The following PER3 variants were observed in gnomAD, a reference collection of about 807,000 sequenced individuals.
PER3 encodes the protein period circadian regulator 3.
PER3 carries 107 observed loss-of-function variants against 127.2 expected under a neutral mutation model. That is an observed-to-expected ratio of 0.84 (90% confidence interval 0.72 to 0.99). The LOEUF is 0.99. PER3 is among the 50% of genes least tolerant of loss of function. The probability of loss-of-function intolerance (pLI) is 0.00; values close to 1 mark genes in which losing one functional copy is unlikely to be tolerated. For synonymous variants in PER3, 618 were observed against 585.8 expected, an observed-to-expected ratio of 1.05 and a Z score of -0.79; for missense variants, 1,560 against 1,525.8, an observed-to-expected ratio of 1.02 and a Z score of -0.37.
intron 10 of PER3, among the ~76,000 whole-genome samples, chr1:7,806,812 A>AAAAAATATATATAT (rs61141023): frequency 6.6e-5 from 4 of 60,632 alleles, no homozygotes; most frequent in African/African-American, 2.7e-4. Context: ...AAAAAAAAAA[A>AAAAAATATATATAT]ATATATATAT....
intron 5 of PER3, 89 bp from the exon 6 acceptor site, chr1:7,793,866 AAT>A (rs1413982934): frequency 3.7e-6 from 4 of 1,081,964 alleles, no homozygotes; most frequent in South Asian, 1.3e-5. Context: ...TCTTTTAAAA[AAT>A]AGTTTGTTGT....
intron 5 of PER3, among the ~76,000 whole-genome samples, chr1:7,793,351 A>G (rs538380307): frequency 6.6e-6 from 1 of 152,252 alleles, no homozygotes; most frequent in Admixed American, 6.5e-5. Context: ...AATCAATGGA[A>G]TTGCTAGCAA....
At chr1:7,787,554 G>A (rs697685) in intron 4 of PER3, 124,833 of 369,688 alleles carry the variant, frequency 0.34, 22,765 homozygotes, top group African/African-American at 0.54. Flanking sequence ...TAAAGCTAGA[G>A]AGGAAAGTAT....
In PER3 at chr1:7,806,804, A is replaced by ATAT. The variant is rs1329301349; in HGVS notation, c.1137-2089_1137-2088insTAT. On this transcript the variant is annotated intron_variant, in intron 10 of 21. Coordinates refer to ENST00000377532, the MANE Select transcript of PER3 (RefSeq NM_001377275.1). ...GCAAGACCCTGTCTCTTAAAAAAAA[A>ATAT]AAAAAAAAATATATATATATATATA... 4.3e-3 allele frequency among the ~76,000 whole-genome samples: 261 copies of ATAT among 60,586 alleles called. 2 individuals carry two copies. Among genetic ancestry groups the ATAT allele is most frequent in the African/African-American group, 0.015 (242 of 16,238 alleles). The allele number at this position is 60,586 out of a possible 152,430, so 39.7% of individuals were successfully genotyped here. A position where few individuals can be genotyped will look rare whatever the true frequency, so the allele number is the denominator to read the frequency against.
rs1558447151 is a variant in PER3, at chr1:7,820,628, C to T, written c.1945C>T (p.Pro649Ser). 1.9e-6 allele frequency: 3 copies of T among 1,609,780 alleles called. No individual in the cohort carries two copies. The highest frequency in any genetic ancestry group is 1.3e-5 in the African/African-American group (1 of 74,750). ...CAGCAGCACCATTGTCCATGTCCCACCCCCAGAGACAGGTACCACACTCGC... is the reference window on the plus strand; with the variant it reads ...CAGCAGCACCATTGTCCATGTCCCATCCCCAGAGACAGGTACCACACTCGC... ...GYSSTIVHVPPPETARDATLF... is the reference protein window; with the variant it reads ...GYSSTIVHVPSPETARDATLF... The change falls in exon 16 of 22, where the codon CCC (proline) becomes TCC (serine). Residue 649 changes from proline (P) to serine (S), a missense_variant. Physicochemically the swap from Pro to Ser is moderately conservative, Grantham distance 74. This residue lies in a region of PER3 where 1,332 missense variants were observed against 1,223.6 expected (regional missense o/e 1.09). Transcript: ENST00000377532.
chr1:7,801,283 A>G, intron 8 of PER3, 92 bp downstream of exon 8: 1 of 753,844 alleles, frequency 1.3e-6, no homozygotes. Context: ...TTTATACATT[A>G]TGTAATTGAA....
chr1:7,798,551 AGT>A lies in PER3; in HGVS notation c.674_675del (p.Cys225SerfsTer32). On this transcript the variant is annotated frameshift_variant, in exon 7 of 22. Transcript: ENST00000377532. LOFTEE classifies it high-confidence loss of function. ...GGAGGTGAAGACAGAAAGCAAGAGAAGTGTCACTCCCCATTCCGGATCATCCC... is the reference window on the plus strand; with the variant it reads ...GGAGGTGAAGACAGAAAGCAAGAGAAGTCACTCCCCATTCCGGATCATCCC... The A allele has an allele frequency of 6.2e-7, 1 of 1,613,788 alleles. No individual in the cohort carries two copies. The highest frequency in any genetic ancestry group is 8.5e-7 in the Non-Finnish European group (1 of 1,179,682).
chr1:7,835,393 A>T (rs531688071), intron 19 of PER3, among the ~76,000 whole-genome samples: 3 of 152,342 alleles, frequency 2.0e-5, no homozygotes, highest in Non-Finnish European at 4.4e-5. Context: ...TTACTGAATG[A>T]TGAACTGAGG....
intron 19 of PER3, among the ~76,000 whole-genome samples, chr1:7,831,521 A>G (rs554621267): frequency 3.3e-5 from 5 of 152,210 alleles, no homozygotes; most frequent in Non-Finnish European, 1.5e-5. Context: ...TGCCTGGTTC[A>G]CAGTCTTAAG....
At chr1:7,838,501 C>T (rs563862639) in intron 21 of PER3, among the ~76,000 whole-genome samples, 259 of 152,196 alleles carry the variant, frequency 1.7e-3, no homozygotes, top group African/African-American at 5.8e-3. Flanking sequence ...CTCTGCCTCC[C>T]AGGTTCAAGT....
At chr1:7,827,837 C>T (rs781582432) in intron 18 of PER3, 22 bp downstream of exon 18, 5 of 1,544,432 alleles carry the variant, frequency 3.2e-6, no homozygotes, top group South Asian at 2.3e-5. Context: ...TCATTTTCAA[C>T]ACTCAAGTGA....
chr1:7,836,920 G>A, intron 20 of PER3, 79 bp from the exon 21 acceptor site: 1 of 1,085,164 alleles, frequency 9.2e-7, no homozygotes, highest in Non-Finnish European at 1.4e-6. Flanking sequence ...CAACCAAGAA[G>A]AAGTGCTATT....
rs34144861 is a variant in PER3, at chr1:7,815,991, C to CAAAAAAAAAAAAAAAAAAAAA, written c.1523-3288_1523-3268dup. Among the ~76,000 whole-genome samples, 7 of 67,662 alleles carry CAAAAAAAAAAAAAAAAAAAAA rather than the reference C, an allele frequency of 1.0e-4. 1 individual carries two copies. Among genetic ancestry groups the CAAAAAAAAAAAAAAAAAAAAA allele is most frequent in the East Asian group, 7.7e-4 (1 of 1,292 alleles). The allele number at this position is 67,662 out of a possible 152,430, so 44.4% of individuals were successfully genotyped here. The stretch of plus-strand genomic sequence containing the variant: ...CTGGGCGACAGAGCGGACTCCGTCT[C>CAAAAAAAAAAAAAAAAAAAAA]AAAAAAAAAAAAAAAAAAAAAAAAA... On this transcript the variant is annotated intron_variant, in intron 13 of 21. Coordinates refer to ENST00000377532, the MANE Select transcript of PER3 (RefSeq NM_001377275.1).
chr1:7,824,788 T>TG (rs2097293649), intron 16 of PER3, among the ~76,000 whole-genome samples: 1 of 152,218 alleles, frequency 6.6e-6, no homozygotes, highest in African/African-American at 2.4e-5. Context: ...GTGCTCCTTG[T>TG]GATGCCTCAG....
At chr1:7,821,675 T>C (rs565442131) in intron 16 of PER3, among the ~76,000 whole-genome samples, 21 of 152,342 alleles carry the variant, frequency 1.4e-4, no homozygotes, top group African/African-American at 4.8e-4. Flanking sequence ...TATGACCGTT[T>C]TTAATGAATT....
intron 6 of PER3, among the ~76,000 whole-genome samples, chr1:7,794,384 T>G (rs1385195983): frequency 1.3e-5 from 2 of 152,086 alleles, no homozygotes; most frequent in African/African-American, 4.8e-5. Flanking sequence ...TCCCAGCTAC[T>G]CGGGAGGCTG....
rs1430283919 is a variant in PER3 at position 7,799,456 on chromosome 1, T to C, written c.793+783T>C. Among the ~76,000 whole-genome samples, 8 of 151,776 alleles carry C rather than the reference T, an allele frequency of 5.3e-5. No homozygotes were observed. In the South Asian group the frequency reaches 1.7e-3, roughly 32 times the overall value. On this transcript the variant is annotated intron_variant, in intron 7 of 21. Coordinates refer to ENST00000377532, the MANE Select transcript of PER3 (RefSeq NM_001377275.1). The stretch of plus-strand genomic sequence containing the variant: ...CGTCTCTACTAAAAATTACAAAAAT[T>C]AGCTGGGTGTGGTGGCGTGTGCCTG...
Position 7,827,851 on chromosome 1 carries a change from A to G in PER3, c.2886+36A>G, listed in dbSNP as rs148939047. 489 of 1,504,872 alleles carry G rather than the reference A, an allele frequency of 3.2e-4. 2 individuals carry two copies. In the South Asian group the frequency reaches 3.5e-3, roughly 11 times the overall value. 93.2% of individuals were successfully genotyped at this position (1,504,872 alleles called of 1,614,324 possible). On this transcript the variant is annotated intron_variant, in intron 18 of 21. Transcript: ENST00000377532. ...CTCATTTTCAACACTCAAGTGAGAA[A>G]GTGAATATCTTACTAAAGTTAAGGT...
At position 7,788,361 on chromosome 1, in the gene PER3, C is replaced by G. The variant is rs990015405; in HGVS notation, c.592+115C>G. On this transcript the variant is annotated intron_variant, in intron 5 of 21. Coordinates refer to ENST00000377532, the MANE Select transcript of PER3 (RefSeq NM_001377275.1). ...AGAACATGCACACTATCTGGTTTTTCTTATTCCTGTTATAGAAAGTCACGT... is the reference window on the plus strand; with the variant it reads ...AGAACATGCACACTATCTGGTTTTTGTTATTCCTGTTATAGAAAGTCACGT... 10 of 732,928 alleles carry G rather than the reference C, an allele frequency of 1.4e-5. No homozygotes were observed. The African/African-American group carries it at 1.4e-4, about 10-fold the overall frequency. 45.4% of individuals were successfully genotyped at this position (732,928 alleles called of 1,614,324 possible).
Sources: allele counts gnomAD v4.1 joint callset (sites outside exome capture counted in the v4.1 genomes callset), GRCh38; gene constraint gnomAD v4.1.1; regional missense constraint gnomAD v4.1.1; transcripts MANE v1.5; gene names NCBI Gene and HGNC (gene_info 2026-07-23, HGNC 2026-07-21).